Variants in IL22RA1 observed in about 807,000 individuals in gnomAD.
IL22RA1 encodes the protein interleukin 22 receptor subunit alpha 1.
Under a neutral mutation model 32.8 loss-of-function variants are expected in IL22RA1, and 25 were observed. That is an observed-to-expected ratio of 0.76 (90% CI 0.55 to 1.06). The LOEUF (loss-of-function observed/expected upper bound fraction) is 1.06. IL22RA1 is among the 50% of genes least tolerant of loss of function. The pLI, the probability that IL22RA1 is intolerant of heterozygous loss-of-function variation, is 0.00. For synonymous variants in IL22RA1, 305 were observed against 305.0 expected (o/e 1.00, Z 0.00); for missense variants, 709 against 727.4 (o/e 0.97, Z 0.29).
At chr1:24,140,204 C>T (rs1462562504) in intron 1 of IL22RA1, among the ~76,000 whole-genome samples, 2 of 152,228 alleles carry the variant, frequency 1.3e-5, no homozygotes, top group African/African-American at 4.8e-5. Flanking sequence ...TGAGCTGAGG[C>T]TCAGAGAGAG....
At chr1:24,125,857 T>C (rs1644157667) in intron 5 of IL22RA1, among the ~76,000 whole-genome samples, 2 of 152,254 alleles carry the variant, frequency 1.3e-5, no homozygotes, top group African/African-American at 4.8e-5. Flanking sequence ...TAGAACCTAA[T>C]AAATGTAGGA....
chr1:24,138,286 C>A (rs1644256865), intron 2 of IL22RA1, among the ~76,000 whole-genome samples: 1 of 152,230 alleles, frequency 6.6e-6, no homozygotes, highest in Admixed American at 6.5e-5. Flanking sequence ...AAAGTGCTAT[C>A]ATTGTCCTCA....
intron 5 of IL22RA1, among the ~76,000 whole-genome samples, chr1:24,125,146 C>A (rs1361893761): frequency 6.6e-6 from 1 of 152,134 alleles, no homozygotes; most frequent in African/African-American, 2.4e-5. Flanking sequence ...TACTACAGGC[C>A]ATGATCTGTA....
In IL22RA1 at chr1:24,121,005, T is replaced by C; in HGVS notation, c.1525A>G (p.Met509Val). 1 of 1,614,004 alleles carries C rather than the reference T, an allele frequency of 6.2e-7. No homozygotes were observed. Residue 509 changes from methionine to valine, a missense_variant, in exon 7 of 7, where the codon ATG becomes GTG. Transcript: ENST00000270800. Reference sequence around the variant, plus strand: ...GAAGGAGGTTGCAAAGGGAGGGACATGGGGTGGCCCTCGATCTGGACTGAG... The same window carrying C: ...GAAGGAGGTTGCAAAGGGAGGGACACGGGGTGGCCCTCGATCTGGACTGAG... ...LSSVQIEGHPMSLPLQPPSRP... is the reference protein window; with the variant it reads ...LSSVQIEGHPVSLPLQPPSRP...
intron 1 of IL22RA1, among the ~76,000 whole-genome samples, chr1:24,139,174 A>G (rs955378535): frequency 6.6e-6 from 1 of 152,220 alleles, no homozygotes; most frequent in East Asian, 1.9e-4. Flanking sequence ...TGTGTCTGTG[A>G]ATGTCCCTAC....
At chr1:24,133,556 C>A (rs1444249680) in intron 4 of IL22RA1, among the ~76,000 whole-genome samples, 2 of 152,148 alleles carry the variant, frequency 1.3e-5, no homozygotes, top group African/African-American at 4.8e-5. Flanking sequence ...TATGCCCTTG[C>A]CTTCCACCTC....
chr1:24,135,206 T>C (rs141903140), intron 3 of IL22RA1, among the ~76,000 whole-genome samples: 2 of 152,364 alleles, frequency 1.3e-5, no homozygotes, highest in Non-Finnish European at 2.9e-5. Context: ...TTGTGCAAAA[T>C]GTTTAATGAT....
Position 24,123,297 on chromosome 1 carries a change from C to T in IL22RA1, c.792+5G>A. On this transcript the variant is annotated splice_donor_5th_base_variant and intron_variant, in intron 6 of 6. Transcript: ENST00000270800. ...TCTCCCTCCCACCCTGGGGGGATGG[C>T]TCACCAGGGAGTTGGGAGGTGCAGG... is the stretch of plus-strand genomic sequence containing the variant. 1 of 1,613,298 alleles carries T rather than the reference C, an allele frequency of 6.2e-7. No individual in the cohort carries two copies. The highest frequency in any genetic ancestry group is 8.5e-7 in the Non-Finnish European group (1 of 1,179,504).
At chr1:24,141,235 G>A (rs761626659) in intron 1 of IL22RA1, among the ~76,000 whole-genome samples, 2 of 152,218 alleles carry the variant, frequency 1.3e-5, no homozygotes, top group Non-Finnish European at 2.9e-5. Flanking sequence ...GTTTGGATGT[G>A]AGGCTGGGTG....
chr1:24,124,015 T>G lies in IL22RA1; in HGVS notation c.671-592A>C, dbSNP rs551118173. ...GACGGATCACAGGCTCTGGGCCATATGTACAGAGAGTTTCAGGGTCCCAGG... is the reference window on the plus strand; with the variant it reads ...GACGGATCACAGGCTCTGGGCCATAGGTACAGAGAGTTTCAGGGTCCCAGG... On this transcript the variant is annotated intron_variant, in intron 5 of 6. Transcript: ENST00000270800. Among the ~76,000 whole-genome samples the G allele has an allele frequency of 6.6e-5, 10 of 152,300 alleles. No individual in the cohort carries two copies. The South Asian group carries it at 2.1e-3, about 32-fold the overall frequency.
At chr1:24,128,112 C>T in intron 5 of IL22RA1, 29 bp downstream of exon 5, 1 of 1,491,414 alleles carries the variant, frequency 6.7e-7, no homozygotes, top group Non-Finnish European at 8.9e-7. Context: ...TCGGGAGCCC[C>T]ACCTCCCTCT....
At position 24,121,188 on chromosome 1, in the gene IL22RA1, G is replaced by A; in HGVS notation, c.1342C>T (p.Gln448Ter). Residue 448 changes from glutamine to a stop codon, truncating the protein, a stop_gained, in exon 7 of 7, where the codon CAG (glutamine) becomes TAG (stop). Transcript: ENST00000270800. LOFTEE classifies it low-confidence loss of function (END_TRUNC). ...TCCATAGCCAAGGAGGTCACCTCCT[G>A]CAGAGAAAGGCCACCTAACATGCAG... ...GSCMLGGLSL[Q>*]EVTSLAMEES... is the part of the protein sequence containing the mutation. The A allele has an allele frequency of 1.2e-6, 2 of 1,614,214 alleles. No individual in the cohort carries two copies. The highest frequency in any genetic ancestry group is 1.7e-6 in the Non-Finnish European group (2 of 1,180,030).
At chr1:24,125,859 A>G (rs1222019387) in intron 5 of IL22RA1, among the ~76,000 whole-genome samples, 1 of 152,242 alleles carries the variant, frequency 6.6e-6, no homozygotes, top group Non-Finnish European at 1.5e-5. Flanking sequence ...GAACCTAATA[A>G]ATGTAGGAAT....
intron 4 of IL22RA1, among the ~76,000 whole-genome samples, chr1:24,131,343 CA>C (rs1413004292): frequency 1.3e-5 from 2 of 151,606 alleles, no homozygotes; most frequent in East Asian, 1.9e-4. Flanking sequence ...GAATTAATGT[CA>C]AAAAAAGGTA....
chr1:24,136,643 G>T (rs537046180), intron 3 of IL22RA1, among the ~76,000 whole-genome samples: 135 of 152,222 alleles, frequency 8.9e-4, no homozygotes, highest in Non-Finnish European at 1.9e-3. Context: ...CGATGCATTG[G>T]GAAGACATGT....
chr1:24,142,874 A>C lies in IL22RA1; in HGVS notation c.43+166T>G, dbSNP rs568007507. On this transcript the variant is annotated intron_variant, in intron 1 of 6. Transcript: ENST00000270800. ...CACCCTCTCATGCCCCCAGCAAACT[A>C]AGCTGGGCATTTGCTTCTCCGTGAA... Among the ~76,000 whole-genome samples, 8 of 152,240 alleles carry C rather than the reference A, an allele frequency of 5.3e-5. No individual in the cohort carries two copies. The South Asian group carries it at 1.7e-3, about 32-fold the overall frequency.
In IL22RA1 at chr1:24,121,325, G is replaced by C; in HGVS notation, c.1205C>G (p.Ser402Cys). The C allele has an allele frequency of 3.1e-6, 5 of 1,608,360 alleles. No homozygotes were observed. Among genetic ancestry groups the C allele is most frequent in the Non-Finnish European group, 4.3e-6 (5 of 1,175,960 alleles). The change falls in exon 7 of 7, where the codon TCC (serine) becomes TGC (cysteine). Residue 402 changes from serine (S) to cysteine (C), a missense_variant. Transcript: ENST00000270800. ...AGAACCTTCCATGCATACCCCATAG[G>C]AGGGAGGCCAGCTGTCCGGAGTGGC... is the stretch of plus-strand genomic sequence containing the variant. ...PQATPDSWPP[S>C]YGVCMEGSGK...
chr1:24,132,641 T>G (rs1392586242), intron 4 of IL22RA1, among the ~76,000 whole-genome samples: 3 of 151,722 alleles, frequency 2.0e-5, no homozygotes, highest in Non-Finnish European at 4.4e-5. Context: ...TGGGACCATG[T>G]TTTAAGAAAC....
At position 24,120,041 on chromosome 1, in the gene IL22RA1, CG is replaced by C. The variant is rs1355780750; in HGVS notation, c.*763del. 5 of 152,244 alleles carry C rather than the reference CG, an allele frequency of 3.3e-5. No individual in the cohort carries two copies. Among genetic ancestry groups the C allele is most frequent in the African/African-American group, 9.6e-5 (4 of 41,458 alleles). 9.4% of individuals were successfully genotyped at this position (152,244 alleles called of 1,614,324 possible). ...CATCAGTACAGTGTGTTATTGTACC[CG>C]TCCAGGGGCCACAGCCCTCACCTTC... On this transcript the variant is annotated 3_prime_UTR_variant, in exon 7 of 7. Transcript: ENST00000270800.
Sources: gnomAD v4.1 joint callset for allele counts (sites outside exome capture counted in the v4.1 genomes callset) on GRCh38, gnomAD v4.1.1 for gene constraint, MANE v1.5 for transcripts, NCBI Gene and HGNC (gene_info 2026-07-23, HGNC 2026-07-21) for gene names.